The following DYNC1H1 variants were observed in gnomAD, a reference collection of about 807,000 sequenced individuals.
DYNC1H1 encodes the protein cytoplasmic dynein 1 heavy chain 1.
Under a neutral mutation model 527.1 loss-of-function variants are expected in DYNC1H1, and 51 were observed. That is an observed-to-expected ratio of 0.10 (90% confidence interval 0.08 to 0.12). The LOEUF is 0.12. Among genes scored for constraint, DYNC1H1 ranks in the 10% least tolerant of loss-of-function variants. The pLI, the probability that DYNC1H1 is intolerant of heterozygous loss-of-function variation, is 1.00. For synonymous variants in DYNC1H1, 2,189 were observed against 2,278.8 expected (o/e 0.96, Z 1.12); for missense variants, 2,771 against 5,971.8 (o/e 0.46, Z 17.66).
At chr14:102,032,242 C>G (rs17512685) in intron 51 of DYNC1H1, 30 bp from the exon 52 acceptor site, 3 of 1,612,252 alleles carry the variant, frequency 1.9e-6, no homozygotes, top group Non-Finnish European at 2.5e-6. Context: ...TCCCACCCAT[C>G]GACCCTCATC....
At chr14:101,974,411 T>G (rs1383825461) in intron 1 of DYNC1H1, among the ~76,000 whole-genome samples, 1 of 152,190 alleles carries the variant, frequency 6.6e-6, no homozygotes, top group African/African-American at 2.4e-5. Flanking sequence ...CCCTTTCTAT[T>G]ACATCATGAC....
chr14:102,008,336 G>A lies in DYNC1H1; in HGVS notation c.5976G>A (p.Lys1992=), dbSNP rs895478584. ...LREHSNPNYD[K]TSAPITCELL... is the part of the protein sequence containing the mutation. ...AACATTCCAACCCCAACTACGACAA[G>A]AGTAAGACACCTCTTCTTCAAAAAT... is the stretch of plus-strand genomic sequence containing the variant. The change falls in exon 29 of 78, where the codon AAG becomes AAA. Residue 1992 remains lysine (K), a splice_region_variant and synonymous_variant. Coordinates refer to ENST00000360184, the MANE Select transcript of DYNC1H1 (RefSeq NM_001376.5). 1.2e-6 allele frequency: 2 copies of A among 1,613,986 alleles called. No homozygotes were observed. Among genetic ancestry groups the A allele is most frequent in the Non-Finnish European group, 1.7e-6 (2 of 1,180,018 alleles).
In DYNC1H1 at chr14:102,018,681, T is replaced by G; in HGVS notation, c.8343+65T>G. On this transcript the variant is annotated intron_variant, in intron 41 of 77. Transcript: ENST00000360184. This position sits in a 1 kb window ranked among gnomAD's most constrained non-coding sequence, Gnocchi z 5.2. ...TCTCATAATTAAGGCACTCGATTGG[T>G]CAGGTGTGGTGGTTCACACCTGTAA... is the stretch of plus-strand genomic sequence containing the variant. 2 of 1,583,304 alleles carry G rather than the reference T, an allele frequency of 1.3e-6. No individual in the cohort carries two copies. Among genetic ancestry groups the G allele is most frequent in the Admixed American group, 1.7e-5 (1 of 57,182 alleles).
Position 102,017,666 on chromosome 14 carries a change from T to C in DYNC1H1, c.8177+162T>C. The stretch of plus-strand genomic sequence containing the variant: ...TCTGTGCTGTAATGCCAGGAAAACA[T>C]GTTAAAAATAAAAGCATTGGCCGGG... On this transcript the variant is annotated intron_variant, in intron 40 of 77. Transcript: ENST00000360184. This position sits in a 1 kb window ranked among gnomAD's most constrained non-coding sequence, Gnocchi z 4.6. 4 of 1,367,668 alleles carry C rather than the reference T, an allele frequency of 2.9e-6. No homozygotes were observed. In the South Asian group the frequency reaches 4.9e-5, roughly 17 times the overall value. 84.7% of individuals were successfully genotyped at this position (1,367,668 alleles called of 1,614,324 possible). A position where few individuals can be genotyped will look rare whatever the true frequency, so the allele number is the denominator to read the frequency against.
chr14:102,024,355 T>G (rs544241338), intron 43 of DYNC1H1, among the ~76,000 whole-genome samples: 3 of 152,270 alleles, frequency 2.0e-5, no homozygotes, highest in African/African-American at 4.8e-5. Flanking sequence ...TAGACGTGAG[T>G]AAGAGCTTCC....
At chr14:101,967,844 G>C (rs1028226752) in intron 1 of DYNC1H1, among the ~76,000 whole-genome samples, 2 of 152,124 alleles carry the variant, frequency 1.3e-5, no homozygotes, top group East Asian at 3.8e-4. Context: ...ATCAAGTACA[G>C]CATTACTCAA....
intron 10 of DYNC1H1, among the ~76,000 whole-genome samples, chr14:101,989,754 A>G (rs886932421): frequency 2.0e-5 from 3 of 152,166 alleles, no homozygotes; most frequent in Non-Finnish European, 4.4e-5. Context: ...ATTCATCCCC[A>G]GAGCATACTT....
chr14:101,984,443 A>ATTTTT, intron 7 of DYNC1H1, among the ~76,000 whole-genome samples: 1 of 113,484 alleles, frequency 8.8e-6, no homozygotes, highest in Non-Finnish European at 1.7e-5. Flanking sequence ...ATATATATAT[A>ATTTTT]TATTATATTT....
intron 69 of DYNC1H1, chr14:102,043,610 A>G (rs1274514171): frequency 3.8e-6 from 2 of 520,932 alleles, no homozygotes; most frequent in African/African-American, 1.9e-5. Context: ...TTTGTGCCAC[A>G]TTCACGTTTT....
intron 10 of DYNC1H1, among the ~76,000 whole-genome samples, chr14:101,990,858 A>C (rs1416220723): frequency 6.6e-6 from 1 of 151,956 alleles, no homozygotes; most frequent in African/African-American, 2.4e-5. Flanking sequence ...AAAATACAAA[A>C]ATTAGCTGGG....
Position 102,002,246 on chromosome 14 carries a change from G to A in DYNC1H1, c.4543-291G>A, listed in dbSNP as rs113863886. On this transcript the variant is annotated intron_variant, in intron 21 of 77. Coordinates refer to ENST00000360184, the MANE Select transcript of DYNC1H1 (RefSeq NM_001376.5). This position sits in a 1 kb window ranked among gnomAD's most constrained non-coding sequence, Gnocchi z 4.4. ...CCGCCTCAGCCTCCCAAGTAGCTGG[G>A]ATTACAGCTACCTGCCACCATGCCT... Among the ~76,000 whole-genome samples, 4 of 152,082 alleles carry A rather than the reference G, an allele frequency of 2.6e-5. No homozygotes were observed. Among genetic ancestry groups the A allele is most frequent in the African/African-American group, 9.6e-5 (4 of 41,468 alleles).
In DYNC1H1 at chr14:102,044,570, A is replaced by G; in HGVS notation, c.12903-25A>G. ...TCACTCAGAGGTGACCCCTGACATC[A>G]TTTCCAAATGCACTGGTTTTCTAGG... On this transcript the variant is annotated intron_variant, in intron 71 of 77. Coordinates refer to ENST00000360184, the MANE Select transcript of DYNC1H1 (RefSeq NM_001376.5). This position sits in a 1 kb window ranked among gnomAD's most constrained non-coding sequence, Gnocchi z 7.1. 4 of 1,614,170 alleles carry G rather than the reference A, an allele frequency of 2.5e-6. No individual in the cohort carries two copies. The highest frequency in any genetic ancestry group is 2.2e-5 in the South Asian group (2 of 91,090).
Position 102,015,378 on chromosome 14 carries a change from G to A in DYNC1H1, c.7242+46G>A. The stretch of plus-strand genomic sequence containing the variant: ...ACATATCATGACCTGAGGGTGCTAG[G>A]ATATTCAGATGTGGTCTCGCTGTGT... On this transcript the variant is annotated intron_variant, in intron 35 of 77. Coordinates refer to ENST00000360184, the MANE Select transcript of DYNC1H1 (RefSeq NM_001376.5). This position sits in a 1 kb window ranked among gnomAD's most constrained non-coding sequence, Gnocchi z 6.9. 4 of 1,556,190 alleles carry A rather than the reference G, an allele frequency of 2.6e-6. No homozygotes were observed. The highest frequency in any genetic ancestry group is 3.5e-6 in the Non-Finnish European group (4 of 1,147,442).
Position 102,011,262 on chromosome 14 carries a change from G to C in DYNC1H1, c.6618+310G>C. The C allele has an allele frequency of 2.3e-6, 1 of 425,856 alleles. No homozygotes were observed. Among genetic ancestry groups the C allele is most frequent in the South Asian group, 2.1e-5 (1 of 47,202 alleles). The allele number at this position is 425,856 out of a possible 1,614,324, so 26.4% of individuals were successfully genotyped here. A position where few individuals can be genotyped will look rare whatever the true frequency, so the allele number is the denominator to read the frequency against. On this transcript the variant is annotated intron_variant, in intron 32 of 77. Coordinates refer to ENST00000360184, the MANE Select transcript of DYNC1H1 (RefSeq NM_001376.5). This position sits in a 1 kb window ranked among gnomAD's most constrained non-coding sequence, Gnocchi z 5.3. ...GCTTACCAGACTTTCCAGTGCCAGAGATGAACAACCTGAATCGCTGATCAA... is the reference window on the plus strand; with the variant it reads ...GCTTACCAGACTTTCCAGTGCCAGACATGAACAACCTGAATCGCTGATCAA...
chr14:102,041,312 G>A lies in DYNC1H1; in HGVS notation c.11942-262G>A, dbSNP rs1172409422. On this transcript the variant is annotated intron_variant, in intron 64 of 77. Transcript: ENST00000360184. This position sits in a 1 kb window ranked among gnomAD's most constrained non-coding sequence, Gnocchi z 4.5. ...ACCTTCAGGTGTTCTCAGGAAGTGA[G>A]CAGGTATTAGTTTAGTAATCTAAAA... is the stretch of plus-strand genomic sequence containing the variant. The A allele has an allele frequency of 3.8e-6, 2 of 525,696 alleles. No individual in the cohort carries two copies. The highest frequency in any genetic ancestry group is 7.1e-5 in the East Asian group (2 of 28,012). The allele number at this position is 525,696 out of a possible 1,614,324, so 32.6% of individuals were successfully genotyped here.
chr14:101,977,282 T>A (rs1262359647), intron 2 of DYNC1H1, among the ~76,000 whole-genome samples: 1 of 152,228 alleles, frequency 6.6e-6, no homozygotes, highest in Non-Finnish European at 1.5e-5. Flanking sequence ...AATATGTAAA[T>A]GTCATAATGG....
rs548904362 is a variant in DYNC1H1, at chr14:102,031,125, T to C, written c.9883+843T>C. 7.2e-5 allele frequency among the ~76,000 whole-genome samples: 11 copies of C among 152,360 alleles called. No individual in the cohort carries two copies. The East Asian group carries it at 1.9e-3, about 27-fold the overall frequency. On this transcript the variant is annotated intron_variant, in intron 51 of 77. Coordinates refer to ENST00000360184, the MANE Select transcript of DYNC1H1 (RefSeq NM_001376.5). ...ATATATTTTCATTCAGAGTTGGATT[T>C]GGATGATAATTTAATGTAGTTCTCA...
At position 101,974,156 on chromosome 14, in the gene DYNC1H1, A is replaced by G. The variant is rs978861719; in HGVS notation, c.257-1556A>G. Among the ~76,000 whole-genome samples the G allele has an allele frequency of 3.3e-5, 5 of 152,034 alleles. 1 individual carries two copies. Among genetic ancestry groups the G allele is most frequent in the Admixed American group, 6.6e-5 (1 of 15,254 alleles). The stretch of plus-strand genomic sequence containing the variant: ...CTCTTGTTGCCCAGGCTGGAGTGCA[A>G]TGGCGTGATCTCAACTCACCACAAC... On this transcript the variant is annotated intron_variant, in intron 1 of 77. Transcript: ENST00000360184.
chr14:102,026,120 A>AAAAAAT (rs1389420765), intron 43 of DYNC1H1, among the ~76,000 whole-genome samples: 1 of 151,618 alleles, frequency 6.6e-6, no homozygotes, highest in Non-Finnish European at 1.5e-5. Flanking sequence ...AAAAAAAAAA[A>AAAAAAT]AAAAATAGGG....
Sources: allele counts gnomAD v4.1 joint callset (sites outside exome capture counted in the v4.1 genomes callset), GRCh38; gene constraint gnomAD v4.1.1; non-coding constraint Gnocchi (gnomAD v3.1); transcripts MANE v1.5; gene names NCBI Gene and HGNC (gene_info 2026-07-23, HGNC 2026-07-21).